PCDH9: variants seen among roughly 807,000 people sequenced by gnomAD.
The protein encoded by PCDH9 is protocadherin-9.
PCDH9 carries 24 observed loss-of-function variants against 70.6 expected under a neutral mutation model. That is an observed-to-expected ratio of 0.34 (90% confidence interval 0.25 to 0.48). The LOEUF is 0.48. Ranked by LOEUF, PCDH9 falls within the 20% of genes least tolerant of loss-of-function variation. The pLI is 0.99. For synonymous variants in PCDH9, 562 were observed against 558.5 expected (o/e 1.01, Z -0.09); for missense variants, 1,281 against 1,503.6 (o/e 0.85, Z 2.45).
At chr13:66,800,266 G>A (rs1390011234) in intron 3 of PCDH9, among the ~76,000 whole-genome samples, 1 of 151,792 alleles carries the variant, frequency 6.6e-6, no homozygotes. Context: ...TCTTCTTTCT[G>A]AAGTACTTTC....
chr13:66,490,806 G>T (rs1959021600), intron 4 of PCDH9, among the ~76,000 whole-genome samples: 1 of 152,060 alleles, frequency 6.6e-6, no homozygotes, highest in Admixed American at 6.6e-5. Context: ...TAAAATCTCA[G>T]AACGTGTTCT....
intron 4 of PCDH9, among the ~76,000 whole-genome samples, chr13:66,318,360 G>A (rs1444384): frequency 0.97 from 148,050 of 152,256 alleles, 72,103 homozygotes; most frequent in East Asian, 1. Context: ...TTTAGTTACT[G>A]TTTTATTAGT....
chr13:66,573,551 G>T (rs1251308086), intron 4 of PCDH9, among the ~76,000 whole-genome samples: 8 of 152,092 alleles, frequency 5.3e-5, no homozygotes, highest in Admixed American at 2.0e-4. Flanking sequence ...TGAAAGAAAA[G>T]ATTGTGTCTT....
intron 4 of PCDH9, among the ~76,000 whole-genome samples, chr13:66,381,425 C>G (rs767264976): frequency 2.0e-5 from 3 of 152,112 alleles, no homozygotes; most frequent in Non-Finnish European, 4.4e-5. Context: ...TTAGTAGCTT[C>G]CATAGAGGTT....
intron 4 of PCDH9, among the ~76,000 whole-genome samples, chr13:66,392,113 C>A (rs1005908196): frequency 2.0e-5 from 3 of 151,180 alleles, no homozygotes; most frequent in African/African-American, 7.3e-5. Flanking sequence ...ATTTTGGATA[C>A]TGAAATAAGC....
At chr13:66,654,810 G>C (rs2077905189) in intron 3 of PCDH9, among the ~76,000 whole-genome samples, 2 of 152,096 alleles carry the variant, frequency 1.3e-5, no homozygotes, top group South Asian at 4.1e-4. Flanking sequence ...TTGAGTTCAA[G>C]CAATCCTCCC....
chr13:66,308,602 TAAC>T (rs1027260693), intron 4 of PCDH9, among the ~76,000 whole-genome samples: 5 of 152,060 alleles, frequency 3.3e-5, no homozygotes, highest in Non-Finnish European at 7.4e-5. Flanking sequence ...GGGAACAAGG[TAAC>T]AACAAACTGG....
chr13:66,981,111 T>C (rs1010899878), intron 2 of PCDH9, among the ~76,000 whole-genome samples: 3 of 152,100 alleles, frequency 2.0e-5, no homozygotes, highest in Non-Finnish European at 4.4e-5. Flanking sequence ...TAAAGACATT[T>C]ACAGAATATA....
At chr13:66,445,099 T>A (rs1213039861) in intron 4 of PCDH9, among the ~76,000 whole-genome samples, 1 of 147,304 alleles carries the variant, frequency 6.8e-6, no homozygotes, top group African/African-American at 2.5e-5. Flanking sequence ...ATATTATATA[T>A]AATGTATATT....
intron 2 of PCDH9, among the ~76,000 whole-genome samples, chr13:67,069,508 G>A (rs550372437): frequency 3.0e-4 from 46 of 152,088 alleles, no homozygotes; most frequent in Admixed American, 4.6e-4. Context: ...CCTTTACATC[G>A]AAACCATAGG....
At chr13:67,026,481 G>T (rs373195089) in intron 2 of PCDH9, among the ~76,000 whole-genome samples, 1 of 152,182 alleles carries the variant, frequency 6.6e-6, no homozygotes, top group East Asian at 1.9e-4. Flanking sequence ...AAAACTGGAA[G>T]CATTCCCTTT....
intron 3 of PCDH9, among the ~76,000 whole-genome samples, chr13:66,898,305 T>C (rs1166393756): frequency 6.6e-6 from 1 of 152,046 alleles, no homozygotes; most frequent in Admixed American, 6.6e-5. Flanking sequence ...ATATGTGTCA[T>C]TTACTAGCCT....
intron 4 of PCDH9, among the ~76,000 whole-genome samples, chr13:66,347,377 A>G (rs1224292292): frequency 1.3e-5 from 2 of 152,204 alleles, no homozygotes; most frequent in Non-Finnish European, 2.9e-5. Context: ...CTTAAAATGT[A>G]TAAATATTTC....
intron 3 of PCDH9, among the ~76,000 whole-genome samples, chr13:66,822,823 T>C (rs1159193594): frequency 7.9e-5 from 12 of 152,114 alleles, no homozygotes; most frequent in African/African-American, 2.9e-4. Flanking sequence ...TCTGGATCTT[T>C]AAAATCATTA....
intron 4 of PCDH9, among the ~76,000 whole-genome samples, chr13:66,332,928 C>G (rs933104104): frequency 1.6e-4 from 25 of 151,936 alleles, no homozygotes; most frequent in African/African-American, 6.0e-4. Flanking sequence ...ATTGAGATGA[C>G]AAGCTCATTT....
intron 2 of PCDH9, among the ~76,000 whole-genome samples, chr13:66,979,210 C>T (rs17837253): frequency 0.27 from 40,990 of 151,882 alleles, 6,111 homozygotes; most frequent in East Asian, 0.61. Context: ...GGTTATCAAC[C>T]TGGAATGCAT....
chr13:66,625,477 A>C (rs530645511), intron 4 of PCDH9, among the ~76,000 whole-genome samples: 10 of 152,276 alleles, frequency 6.6e-5, no homozygotes, highest in African/African-American at 2.4e-4. Flanking sequence ...TCTCTTTTTC[A>C]TATCTATCCA....
intron 2 of PCDH9, chr13:67,212,200 A>G (rs1327186740): frequency 1.3e-5 from 2 of 152,276 alleles, no homozygotes; most frequent in Admixed American, 6.5e-5. Context: ...TAAACCTGGC[A>G]TTCTTATAAT....
chr13:67,015,837 G>C (rs1473370389), intron 2 of PCDH9, among the ~76,000 whole-genome samples: 1 of 152,062 alleles, frequency 6.6e-6, no homozygotes, highest in Non-Finnish European at 1.5e-5. Flanking sequence ...CATTGTTCCT[G>C]TCAGTAGTTA....
Sources: gnomAD v4.1 joint callset for allele counts (sites outside exome capture counted in the v4.1 genomes callset) on GRCh38, gnomAD v4.1.1 for gene constraint, MANE v1.5 for transcripts, NCBI Gene and HGNC (gene_info 2026-07-23, HGNC 2026-07-21) for gene names.